The following PRORP variants were observed in gnomAD, a reference collection of about 807,000 sequenced individuals.
PRORP encodes the protein mitochondrial ribonuclease P catalytic subunit.
PRORP carries 51 observed loss-of-function variants against 59.4 expected under a neutral mutation model. That is an observed-to-expected ratio of 0.86 (90% confidence interval 0.69 to 1.08). PRORP has a LOEUF of 1.08. PRORP is among the 50% of genes least tolerant of loss of function. The pLI is 0.00. For synonymous variants in PRORP, 231 were observed against 245.6 expected (o/e 0.94, Z 0.55); for missense variants, 646 against 690.3 (o/e 0.94, Z 0.72).
chr14:35,246,592 G>T (rs1170201374), intron 5 of PRORP, among the ~76,000 whole-genome samples: 1 of 152,144 alleles, frequency 6.6e-6, no homozygotes, highest in Non-Finnish European at 1.5e-5. Flanking sequence ...CTGCTTTCCA[G>T]CTTCCAAAAT....
chr14:35,144,652 G>A lies in PRORP; in HGVS notation c.1167+17041G>A, dbSNP rs147596976. On this transcript the variant is annotated intron_variant, in intron 4 of 7. Coordinates refer to ENST00000534898, the MANE Select transcript of PRORP (RefSeq NM_014672.4). ...TTGGCTCTTGGAGATAATCATAATC[G>A]TTCTTTGATACTATGCCCAAACTCT... Among the ~76,000 whole-genome samples the A allele has an allele frequency of 6.8e-4, 100 of 146,044 alleles. 3 individuals carry two copies. Among genetic ancestry groups the A allele is most frequent in the African/African-American group, 2.4e-3 (97 of 41,202 alleles).
rs769202040 is a variant in PRORP, at chr14:35,126,790, C to T, written c.1034+8C>T. The T allele has an allele frequency of 6.9e-6, 11 of 1,601,746 alleles. No individual in the cohort carries two copies. The South Asian group carries it at 9.0e-5, about 13-fold the overall frequency. ...CACCACAGTCCGAAAAAGGTGAAGA[C>T]CAATGTTTATTTTTAACTTGTTTGA... On this transcript the variant is annotated splice_region_variant and intron_variant, in intron 3 of 7. Transcript: ENST00000534898.
intron 5 of PRORP, among the ~76,000 whole-genome samples, chr14:35,232,897 T>TC (rs1467381446): frequency 1.3e-5 from 2 of 152,000 alleles, no homozygotes; most frequent in African/African-American, 4.8e-5. Flanking sequence ...ATGGTCTTGG[T>TC]CTCCTGACCT....
In PRORP at chr14:35,275,156, A is replaced by G. The variant is rs1183645923; in HGVS notation, c.*1590A>G. 1.3e-5 allele frequency: 2 copies of G among 152,214 alleles called. No individual in the cohort carries two copies. The highest frequency in any genetic ancestry group is 2.1e-4 in the South Asian group (1 of 4,836). The allele number at this position is 152,214 out of a possible 1,614,324, so 9.4% of individuals were successfully genotyped here. A position where few individuals can be genotyped will look rare whatever the true frequency, so the allele number is the denominator to read the frequency against. On this transcript the variant is annotated 3_prime_UTR_variant, in exon 8 of 8. Coordinates refer to ENST00000534898, the MANE Select transcript of PRORP (RefSeq NM_014672.4). ...GGGTAATAGTAACATAGCTATATGT[A>G]TATATTAGTTAAAATTCCTCACACT... is the stretch of plus-strand genomic sequence containing the variant.
At chr14:35,148,481 C>G (rs1282443683) in intron 4 of PRORP, among the ~76,000 whole-genome samples, 3 of 152,126 alleles carry the variant, frequency 2.0e-5, no homozygotes, top group Non-Finnish European at 4.4e-5. Flanking sequence ...ATGCTGTAGA[C>G]AGATGTGCTG....
intron 5 of PRORP, among the ~76,000 whole-genome samples, chr14:35,229,615 C>A (rs1321171000): frequency 6.6e-6 from 1 of 152,072 alleles, no homozygotes; most frequent in Non-Finnish European, 1.5e-5. Context: ...GTATGCCAAC[C>A]TTTTCATTTC....
intron 4 of PRORP, among the ~76,000 whole-genome samples, chr14:35,176,774 CTA>C (rs1165908341): frequency 6.6e-6 from 1 of 152,164 alleles, no homozygotes; most frequent in Non-Finnish European, 1.5e-5. Flanking sequence ...ACTTCCAACA[CTA>C]TGTTGAATAG....
At chr14:35,251,767 G>T (rs2050620047) in intron 5 of PRORP, among the ~76,000 whole-genome samples, 1 of 152,092 alleles carries the variant, frequency 6.6e-6, no homozygotes, top group East Asian at 1.9e-4. Flanking sequence ...TCTTGGCCAG[G>T]CTGGTCTCGA....
chr14:35,196,610 T>G (rs886442312), intron 5 of PRORP, among the ~76,000 whole-genome samples: 6 of 152,110 alleles, frequency 3.9e-5, no homozygotes, highest in Non-Finnish European at 7.4e-5. Flanking sequence ...AGGAAACAAA[T>G]TTGCATTAGT....
intron 4 of PRORP, among the ~76,000 whole-genome samples, chr14:35,144,977 T>C (rs2047569773): frequency 1.4e-5 from 2 of 145,588 alleles, no homozygotes; most frequent in African/African-American, 4.9e-5. Context: ...TGTTCTTTTT[T>C]AGTTCTTTTG....
At chr14:35,185,749 A>G (rs921880771) in intron 5 of PRORP, among the ~76,000 whole-genome samples, 1 of 152,194 alleles carries the variant, frequency 6.6e-6, no homozygotes, top group Non-Finnish European at 1.5e-5. Context: ...CACAGGCTCT[A>G]AGGAGAGTGG....
At chr14:35,150,968 C>T (rs752978735) in intron 4 of PRORP, among the ~76,000 whole-genome samples, 1 of 152,080 alleles carries the variant, frequency 6.6e-6, no homozygotes, top group Non-Finnish European at 1.5e-5. Flanking sequence ...TTTCTTACAG[C>T]GAGTGATCTT....
chr14:35,234,401 A>C (rs147194164), intron 5 of PRORP, among the ~76,000 whole-genome samples: 1 of 152,150 alleles, frequency 6.6e-6, no homozygotes, highest in Non-Finnish European at 1.5e-5. Flanking sequence ...AACTGCACCA[A>C]CTTTCCTCTT....
In PRORP at chr14:35,170,217, G is replaced by A. The variant is rs968680333; in HGVS notation, c.1168-10453G>A. On this transcript the variant is annotated intron_variant, in intron 4 of 7. Coordinates refer to ENST00000534898, the MANE Select transcript of PRORP (RefSeq NM_014672.4). ...AAGATAAGTACATCTATTATAGATA[G>A]CATTTTTTATAAGGTTGGATTTAAG... Among the ~76,000 whole-genome samples the A allele has an allele frequency of 3.3e-5, 5 of 151,976 alleles. No homozygotes were observed. The South Asian group carries it at 8.3e-4, about 25-fold the overall frequency.
intron 4 of PRORP, among the ~76,000 whole-genome samples, chr14:35,151,456 A>G (rs1441018967): frequency 6.6e-6 from 1 of 152,142 alleles, no homozygotes; most frequent in African/African-American, 2.4e-5. Context: ...ATACACATGT[A>G]TAGTCTTCCC....
intron 5 of PRORP, among the ~76,000 whole-genome samples, chr14:35,229,292 G>A (rs1223583925): frequency 6.6e-6 from 1 of 152,102 alleles, no homozygotes; most frequent in Non-Finnish European, 1.5e-5. Flanking sequence ...AAGCTCTTTA[G>A]TTTAATTAGG....
At position 35,134,212 on chromosome 14, in the gene PRORP, C is replaced by T. The variant is rs997112408; in HGVS notation, c.1167+6601C>T. Among the ~76,000 whole-genome samples, 5 of 152,302 alleles carry T rather than the reference C, an allele frequency of 3.3e-5. No homozygotes were observed. The South Asian group carries it at 1.0e-3, about 32-fold the overall frequency. On this transcript the variant is annotated intron_variant, in intron 4 of 7. Transcript: ENST00000534898. ...ATGATAAGACACAGTTCTTCCCACT[C>T]TTCCCTCCCGTTTCCAAAAGCAGAG...
chr14:35,179,382 A>G (rs2048539733), intron 4 of PRORP, among the ~76,000 whole-genome samples: 3 of 152,174 alleles, frequency 2.0e-5, no homozygotes, highest in Admixed American at 1.3e-4. Flanking sequence ...CACCAATCAG[A>G]CATAGATTTG....
At chr14:35,124,288 G>A in intron 2 of PRORP, 57 bp downstream of exon 2, 21 of 1,082,584 alleles carry the variant, frequency 1.9e-5, no homozygotes, top group East Asian at 2.6e-5. Flanking sequence ...TTTTTTTTGA[G>A]ACAGGGTCTT....
Sources: allele counts gnomAD v4.1 joint callset (sites outside exome capture counted in the v4.1 genomes callset), GRCh38; gene constraint gnomAD v4.1.1; transcripts MANE v1.5; gene names NCBI Gene and HGNC (gene_info 2026-07-23, HGNC 2026-07-21).